Variants in RAPGEF4 observed in about 807,000 individuals in gnomAD.
RAPGEF4 encodes the protein RAP guanine-nucleotide-exchange factor (GEF) 4.
RAPGEF4 carries 66 observed loss-of-function variants against 147.9 expected under a neutral mutation model. The ratio of observed to expected loss-of-function variants is 0.45; its 90% CI spans 0.37 to 0.55. The LOEUF is 0.55. Among genes scored for constraint, RAPGEF4 ranks in the 20% least tolerant of loss-of-function variants. RAPGEF4 has a pLI of 0.00. For synonymous variants in RAPGEF4, 419 were observed against 442.7 expected (o/e 0.95, Z 0.67); for missense variants, 1,071 against 1,257.3 (o/e 0.85, Z 2.24).
chr2:172,968,923 G>T (rs1186771251), intron 10 of RAPGEF4, among the ~76,000 whole-genome samples: 1 of 152,104 alleles, frequency 6.6e-6, no homozygotes, highest in Non-Finnish European at 1.5e-5. Flanking sequence ...ATCATTTCCT[G>T]GGTCCATCCC....
chr2:172,903,399 G>A lies in RAPGEF4; in HGVS notation c.445-14403G>A, dbSNP rs151077693. Among the ~76,000 whole-genome samples, 1,494 of 149,166 alleles carry A rather than the reference G, an allele frequency of 0.01. 47 individuals are homozygous for A. The South Asian group carries it at 0.12, about 12-fold the overall frequency. On this transcript the variant is annotated intron_variant, in intron 4 of 30. Coordinates refer to ENST00000397081, the MANE Select transcript of RAPGEF4 (RefSeq NM_007023.4). ...AAAAAAAAAAAAAAAGAAGCCGGGC[G>A]TGGTAGCAGTCACCTGTAATCCCAG...
At chr2:172,960,862 T>G in intron 7 of RAPGEF4, 49 bp downstream of exon 7, 1 of 1,456,860 alleles carries the variant, frequency 6.9e-7, no homozygotes, top group Non-Finnish European at 9.5e-7. Flanking sequence ...GCTTCTTAAG[T>G]ACCTCTGGAG....
At chr2:173,004,348 T>C (rs2105822425) in intron 17 of RAPGEF4, among the ~76,000 whole-genome samples, 1 of 152,306 alleles carries the variant, frequency 6.6e-6, no homozygotes, top group South Asian at 2.1e-4. Flanking sequence ...TTCTATACTT[T>C]TCATCTCCAG....
intron 4 of RAPGEF4, among the ~76,000 whole-genome samples, chr2:172,880,952 T>C (rs544314292): frequency 1.3e-5 from 2 of 152,356 alleles, no homozygotes; most frequent in African/African-American, 4.8e-5. Flanking sequence ...TGAATACCCC[T>C]TTAAAAACTG....
At chr2:173,011,832 C>A (rs1695051885) in intron 17 of RAPGEF4, among the ~76,000 whole-genome samples, 1 of 147,684 alleles carries the variant, frequency 6.8e-6, no homozygotes, top group Non-Finnish European at 1.5e-5. Context: ...TCTTAAAAAC[C>A]ACATTAGCAG....
intron 6 of RAPGEF4, among the ~76,000 whole-genome samples, chr2:172,924,182 C>T (rs1333911627): frequency 6.6e-6 from 1 of 152,208 alleles, no homozygotes; most frequent in African/African-American, 2.4e-5. Context: ...GGAGCTCACA[C>T]AGAATGTCCA....
chr2:172,952,360 G>C (rs540562783), intron 6 of RAPGEF4, among the ~76,000 whole-genome samples: 7 of 152,274 alleles, frequency 4.6e-5, no homozygotes, highest in South Asian at 2.1e-4. Flanking sequence ...AGAATTTCTC[G>C]TATTGGAAAC....
At chr2:173,021,457 G>A (rs915553508) in intron 23 of RAPGEF4, among the ~76,000 whole-genome samples, 2 of 152,066 alleles carry the variant, frequency 1.3e-5, no homozygotes, top group African/African-American at 4.8e-5. Context: ...GCGTGGTGGC[G>A]GGCGCCTGTA....
At chr2:172,786,392 C>T (rs569286512) in intron 1 of RAPGEF4, among the ~76,000 whole-genome samples, 1 of 152,256 alleles carries the variant, frequency 6.6e-6, no homozygotes, top group South Asian at 2.1e-4. Context: ...TGGCATTTTG[C>T]TCATCTTTAT....
intron 1 of RAPGEF4, among the ~76,000 whole-genome samples, chr2:172,762,736 A>G (rs1481722473): frequency 2.0e-5 from 3 of 152,216 alleles, no homozygotes; most frequent in Admixed American, 6.5e-5. Flanking sequence ...ACACAAGGTC[A>G]TAGATAGGAA....
At position 172,784,130 on chromosome 2, in the gene RAPGEF4, A is replaced by G. The variant is rs75721966; in HGVS notation, c.66-10895A>G. Among the ~76,000 whole-genome samples, 849 of 152,128 alleles carry G rather than the reference A, an allele frequency of 5.6e-3. 5 individuals are homozygous for G. Among genetic ancestry groups the G allele is most frequent in the African/African-American group, 0.02 (820 of 41,500 alleles). On this transcript the variant is annotated intron_variant, in intron 1 of 30. Coordinates refer to ENST00000397081, the MANE Select transcript of RAPGEF4 (RefSeq NM_007023.4). Reference sequence around the variant, plus strand: ...ACGTATCTCTGTATCTCTCTTACCCATTTTTAACTTTGTGTGTGCAGGGAC... The same window carrying G: ...ACGTATCTCTGTATCTCTCTTACCCGTTTTTAACTTTGTGTGTGCAGGGAC...
intron 23 of RAPGEF4, among the ~76,000 whole-genome samples, chr2:173,021,739 C>A (rs888485213): frequency 6.6e-6 from 1 of 152,134 alleles, no homozygotes; most frequent in Non-Finnish European, 1.5e-5. Context: ...CTTCCTTGGA[C>A]TTTTTAGAGG....
chr2:173,004,847 T>C (rs551438333), intron 17 of RAPGEF4, among the ~76,000 whole-genome samples: 2 of 152,226 alleles, frequency 1.3e-5, no homozygotes, highest in South Asian at 4.1e-4. Context: ...TTTGGTAATA[T>C]GCTGTTTTTC....
intron 4 of RAPGEF4, among the ~76,000 whole-genome samples, chr2:172,876,612 G>A (rs1445897672): frequency 6.6e-6 from 1 of 152,162 alleles, no homozygotes; most frequent in Non-Finnish European, 1.5e-5. Context: ...CTTGATCATG[G>A]TGGATAAGCT....
chr2:172,829,774 T>C (rs72900203), intron 4 of RAPGEF4, among the ~76,000 whole-genome samples: 1 of 149,028 alleles, frequency 6.7e-6, no homozygotes, highest in Non-Finnish European at 1.5e-5. Context: ...AGTAATATAA[T>C]AACTCATTTA....
intron 3 of RAPGEF4, among the ~76,000 whole-genome samples, chr2:172,798,819 T>C (rs546005281): frequency 3.0e-4 from 46 of 152,322 alleles, no homozygotes; most frequent in African/African-American, 9.4e-4. Flanking sequence ...TGCGATGTAG[T>C]TTCCTGGGTG....
At chr2:172,940,183 G>A (rs929962629) in intron 6 of RAPGEF4, among the ~76,000 whole-genome samples, 2 of 152,028 alleles carry the variant, frequency 1.3e-5, no homozygotes, top group African/African-American at 2.4e-5. Context: ...GAAGACCACC[G>A]AGTTCTACTG....
rs553428240 is a variant in RAPGEF4, at chr2:172,989,761, CCT to C, written c.1374+925_1374+926del. Among the ~76,000 whole-genome samples the C allele has an allele frequency of 2.5e-3, 386 of 152,254 alleles. 3 individuals are homozygous for C. Among genetic ancestry groups the C allele is most frequent in the Middle Eastern group, 0.01 (3 of 294 alleles). ...CTGTTCTTTCTAGGGTCACACTGCC[CCT>C]CTTTCTTTCACTGCTGACCCACAGA... is the stretch of plus-strand genomic sequence containing the variant. On this transcript the variant is annotated intron_variant, in intron 14 of 30. Coordinates refer to ENST00000397081, the MANE Select transcript of RAPGEF4 (RefSeq NM_007023.4).
chr2:172,869,026 A>G (rs1694935679), intron 4 of RAPGEF4, among the ~76,000 whole-genome samples: 1 of 152,182 alleles, frequency 6.6e-6, no homozygotes, highest in African/African-American at 2.4e-5. Context: ...GGTTCTCAAT[A>G]AGTGTTTGTA....
Sources: gnomAD v4.1 joint callset for allele counts (sites outside exome capture counted in the v4.1 genomes callset) on GRCh38, gnomAD v4.1.1 for gene constraint, MANE v1.5 for transcripts, NCBI Gene and HGNC (gene_info 2026-07-23, HGNC 2026-07-21) for gene names.